The following ULK2 variants were observed in gnomAD, a reference collection of about 807,000 sequenced individuals.
ULK2 encodes the protein serine/threonine-protein kinase ULK2.
A neutral mutation model predicts 127.5 loss-of-function variants in ULK2; 76 were observed. That is an observed-to-expected ratio of 0.60 (90% confidence interval 0.50 to 0.72). ULK2 has a LOEUF of 0.72. Ranked by LOEUF, ULK2 falls within the 30% of genes least tolerant of loss-of-function variation. ULK2 has a pLI of 0.00. For missense variants in ULK2, 1,144 were observed against 1,295.9 expected (o/e 0.88, Z 1.80); for synonymous variants, 452 against 461.9 (o/e 0.98, Z 0.28).
chr17:19,785,925 A>C lies in ULK2; in HGVS notation c.2251+12T>G, dbSNP rs1393418547. 2 of 1,594,576 alleles carry C rather than the reference A, an allele frequency of 1.3e-6. No homozygotes were observed. The highest frequency in any genetic ancestry group is 2.7e-5 in the African/African-American group (2 of 72,752). ...ACTAGCCAAAGACTGTAATATAACA[A>C]ATGCTCCTTACCTGAGGTTGTTCTT... On this transcript the variant is annotated intron_variant, in intron 21 of 26. Transcript: ENST00000395544.
At chr17:19,838,749 C>T (rs556367952) in intron 9 of ULK2, among the ~76,000 whole-genome samples, 166 bp from the exon 10 acceptor site, 1 of 152,044 alleles carries the variant, frequency 6.6e-6, no homozygotes, top group Admixed American at 6.6e-5. Flanking sequence ...GGAAAAAAGC[C>T]GGGTGCTGTG....
intron 15 of ULK2, among the ~76,000 whole-genome samples, chr17:19,804,260 C>A (rs2087464515): frequency 6.6e-6 from 1 of 151,592 alleles, no homozygotes; most frequent in African/African-American, 2.4e-5. Flanking sequence ...ATAATCTATT[C>A]TTATTTCACT....
intron 14 of ULK2, among the ~76,000 whole-genome samples, chr17:19,809,408 A>C (rs946119418): frequency 1.3e-5 from 2 of 152,168 alleles, no homozygotes; most frequent in Non-Finnish European, 2.9e-5. Flanking sequence ...AAAATGGCTG[A>C]AATAGTAGAT....
chr17:19,813,867 C>T (rs1048891891), intron 13 of ULK2, among the ~76,000 whole-genome samples: 2 of 152,140 alleles, frequency 1.3e-5, no homozygotes, highest in Non-Finnish European at 2.9e-5. Context: ...ACCTGCCTGT[C>T]CTTGAATAGG....
At chr17:19,777,291 G>A in intron 26 of ULK2, among the ~76,000 whole-genome samples, 1 of 152,194 alleles carries the variant, frequency 6.6e-6, no homozygotes, top group East Asian at 1.9e-4. Context: ...TTTTAATAAA[G>A]ACGGGGTTTC....
At chr17:19,803,294 A>AT (rs1290477043) in intron 15 of ULK2, among the ~76,000 whole-genome samples, 5 of 152,252 alleles carry the variant, frequency 3.3e-5, no homozygotes, top group Admixed American at 6.5e-5. Flanking sequence ...TCACTCAAAG[A>AT]TTTTTTCAAA....
chr17:19,801,991 C>A, intron 15 of ULK2, 69 bp from the exon 16 acceptor site: 1 of 1,503,282 alleles, frequency 6.7e-7, no homozygotes, highest in Non-Finnish European at 8.9e-7. Context: ...TTTTCTGAAA[C>A]TTCCTAACAA....
At chr17:19,840,014 CAAA>C (rs1692128574) in intron 9 of ULK2, 1 of 292,062 alleles carries the variant, frequency 3.4e-6, no homozygotes, top group Non-Finnish European at 6.7e-6. Context: ...TTGCAGTAAC[CAAA>C]AAAATGAAAA....
At chr17:19,823,945 G>A (rs749646112) in intron 12 of ULK2, among the ~76,000 whole-genome samples, 4 of 152,070 alleles carry the variant, frequency 2.6e-5, no homozygotes, top group South Asian at 2.1e-4. Flanking sequence ...CACCCCTTGC[G>A]TTATATACTA....
chr17:19,830,999 C>T (rs1015433049), intron 10 of ULK2, among the ~76,000 whole-genome samples: 1 of 145,108 alleles, frequency 6.9e-6, no homozygotes, highest in Non-Finnish European at 1.5e-5. Flanking sequence ...TGCACTCCAG[C>T]CTGGGTGACA....
intron 3 of ULK2, among the ~76,000 whole-genome samples, chr17:19,858,742 G>T (rs2042182408): frequency 6.6e-6 from 1 of 152,198 alleles, no homozygotes; most frequent in South Asian, 2.1e-4. Flanking sequence ...GGCCGAAGCA[G>T]GTGGACCACT....
intron 9 of ULK2, chr17:19,840,216 C>A: frequency 2.0e-6 from 1 of 501,892 alleles, no homozygotes; most frequent in Non-Finnish European, 4.1e-6. Flanking sequence ...GGACACCCGA[C>A]GGGCGCAAGT....
intron 26 of ULK2, among the ~76,000 whole-genome samples, chr17:19,777,098 T>C (rs1364847528): frequency 1.3e-5 from 2 of 152,236 alleles, no homozygotes; most frequent in Non-Finnish European, 1.5e-5. Flanking sequence ...CCTACCTACC[T>C]ATCTACCTAC....
intron 16 of ULK2, 126 bp downstream of exon 16, chr17:19,801,651 G>A (rs1430181666): frequency 1.6e-6 from 2 of 1,230,688 alleles, no homozygotes; most frequent in Non-Finnish European, 2.3e-6. Context: ...GGAGGGACGG[G>A]GTATGGCCTC....
At chr17:19,852,433 A>G (rs1451400278) in intron 3 of ULK2, among the ~76,000 whole-genome samples, 8 of 148,752 alleles carry the variant, frequency 5.4e-5, no homozygotes, top group Non-Finnish European at 8.9e-5. Context: ...AGGCAGGAGA[A>G]TAGTGTGAAC....
chr17:19,817,797 A>G (rs1259294837), intron 12 of ULK2, among the ~76,000 whole-genome samples: 1 of 152,186 alleles, frequency 6.6e-6, no homozygotes, highest in Non-Finnish European at 1.5e-5. Flanking sequence ...AGCCTTAAAT[A>G]CCTGGTTCAC....
chr17:19,783,744 G>A lies in ULK2; in HGVS notation c.2413C>T (p.Leu805Phe). 6.3e-7 allele frequency: 1 copy of A among 1,594,424 alleles called. No individual in the cohort carries two copies. The highest frequency in any genetic ancestry group is 8.5e-7 in the Non-Finnish European group (1 of 1,169,710). The change falls in exon 22 of 27, where the codon CTC (leucine) becomes TTC (phenylalanine). Residue 805 changes from leucine to phenylalanine, a missense_variant. Transcript: ENST00000395544. ...AGTTCAGGGGCTTCAAAGGTGATGA[G>A]CCCCTCTAGGCTGGGGGGTGAAGCA... ...YGASPPSLEG[L>F]ITFEAPELPE...
intron 13 of ULK2, among the ~76,000 whole-genome samples, chr17:19,812,737 T>A (rs1475787221): frequency 2.0e-5 from 3 of 152,238 alleles, no homozygotes; most frequent in African/African-American, 7.2e-5. Flanking sequence ...CCCACCATCA[T>A]AAAGTCAAAA....
At chr17:19,804,988 CA>C (rs914658232) in intron 14 of ULK2, among the ~76,000 whole-genome samples, 158 bp from the exon 15 acceptor site, 2 of 151,306 alleles carry the variant, frequency 1.3e-5, no homozygotes. Context: ...TATATAAAGC[CA>C]AAAAAAATCA....
Sources: gnomAD v4.1 joint callset for allele counts (sites outside exome capture counted in the v4.1 genomes callset) on GRCh38, gnomAD v4.1.1 for gene constraint, MANE v1.5 for transcripts, NCBI Gene and HGNC (gene_info 2026-07-23, HGNC 2026-07-21) for gene names.